The following ZC3H6 variants were observed in gnomAD, a reference collection of about 807,000 sequenced individuals.
The protein encoded by ZC3H6 is zinc finger CCCH domain-containing protein 6.
A neutral mutation model predicts 107.7 loss-of-function variants in ZC3H6; 40 were observed. The ratio of observed to expected loss-of-function variants is 0.37; its 90% CI spans 0.29 to 0.48. The LOEUF is 0.48. ZC3H6 is among the 20% of genes least tolerant of loss of function. The pLI is 0.98. For synonymous variants in ZC3H6, 493 were observed against 487.9 expected (o/e 1.01, Z -0.14); for missense variants, 1,267 against 1,410.4 (o/e 0.90, Z 1.63).
chr2:112,308,711 C>T (rs1487083490), intron 3 of ZC3H6, among the ~76,000 whole-genome samples: 1 of 148,270 alleles, frequency 6.7e-6, no homozygotes, highest in Non-Finnish European at 1.5e-5. Flanking sequence ...GGATTACAGG[C>T]GTGAACCGCT....
At chr2:112,329,619 T>C (rs1350181438) in intron 11 of ZC3H6, among the ~76,000 whole-genome samples, 1 of 152,242 alleles carries the variant, frequency 6.6e-6, no homozygotes, top group Non-Finnish European at 1.5e-5. Context: ...AGCACTGCTT[T>C]GTTCAAACTA....
At chr2:112,293,490 CTG>C (rs915731649) in intron 1 of ZC3H6, among the ~76,000 whole-genome samples, 9 of 152,202 alleles carry the variant, frequency 5.9e-5, no homozygotes, top group African/African-American at 2.2e-4. Flanking sequence ...TCAAGAGGAA[CTG>C]TTTATGAAAC....
At chr2:112,281,090 G>C (rs367928391) in intron 1 of ZC3H6, among the ~76,000 whole-genome samples, 1 of 152,274 alleles carries the variant, frequency 6.6e-6, no homozygotes, top group South Asian at 2.1e-4. Flanking sequence ...ATATTTTCTT[G>C]GGAGAGACAG....
At chr2:112,311,728 G>A (rs148335349) in intron 4 of ZC3H6, 76 bp from the exon 5 acceptor site, 3 of 1,325,422 alleles carry the variant, frequency 2.3e-6, no homozygotes, top group Non-Finnish European at 3.1e-6. Flanking sequence ...ATTAAAATGT[G>A]CTGTTCCTTA....
At chr2:112,285,360 T>A (rs543126415) in intron 1 of ZC3H6, among the ~76,000 whole-genome samples, 1 of 141,612 alleles carries the variant, frequency 7.1e-6, no homozygotes, top group African/African-American at 2.6e-5. Flanking sequence ...ACTGAGTAAA[T>A]TTTTTTTTTT....
chr2:112,317,739 A>G (rs565486759), intron 7 of ZC3H6, among the ~76,000 whole-genome samples: 9 of 152,298 alleles, frequency 5.9e-5, no homozygotes, highest in South Asian at 4.1e-4. Flanking sequence ...GATGCTGTAT[A>G]TTCTTCCCCA....
In ZC3H6 at chr2:112,279,464, A is replaced by G. The variant is rs916344979; in HGVS notation, c.32+3438A>G. 3.3e-5 allele frequency among the ~76,000 whole-genome samples: 5 copies of G among 152,226 alleles called. No individual in the cohort carries two copies. The East Asian group carries it at 5.8e-4, about 18-fold the overall frequency. The stretch of plus-strand genomic sequence containing the variant: ...ATAATTTTTTAGCATGAACCTTTTA[A>G]GAGCTTGTGAGTCTCAAAGAGTCTT... On this transcript the variant is annotated intron_variant, in intron 1 of 11. Transcript: ENST00000409871.
Position 112,332,225 on chromosome 2 carries a change from G to A in ZC3H6, c.3307G>A (p.Val1103Met), listed in dbSNP as rs757399116. The A allele has an allele frequency of 1.5e-5, 25 of 1,613,868 alleles. No individual in the cohort carries two copies. The highest frequency in any genetic ancestry group is 3.3e-4 in the Middle Eastern group (2 of 6,082). ...AILPQKPSPN[V>M]GVTLEGPADP... is the part of the protein sequence containing the mutation. ...CCTTCCACAAAAACCCAGTCCAAACGTGGGAGTCACTCTTGAGGGGCCAGC... is the reference window on the plus strand; with the variant it reads ...CCTTCCACAAAAACCCAGTCCAAACATGGGAGTCACTCTTGAGGGGCCAGC... The change falls in exon 12 of 12, where the codon GTG becomes ATG. Residue 1103 changes from valine to methionine, a missense_variant. This residue lies in a region of ZC3H6 where 925 missense variants were observed against 1,025.7 expected (regional missense o/e 0.90). Coordinates refer to ENST00000409871, the MANE Select transcript of ZC3H6 (RefSeq NM_198581.3).
intron 5 of ZC3H6, among the ~76,000 whole-genome samples, chr2:112,312,959 T>G (rs539609456): frequency 2.6e-5 from 4 of 152,286 alleles, no homozygotes; most frequent in African/African-American, 7.2e-5. Flanking sequence ...TCTCTCAGTT[T>G]AAAGATAGTG....
chr2:112,333,876 A>G lies in ZC3H6; in HGVS notation c.*1388A>G, dbSNP rs1313097693. On this transcript the variant is annotated 3_prime_UTR_variant, in exon 12 of 12. Coordinates refer to ENST00000409871, the MANE Select transcript of ZC3H6 (RefSeq NM_198581.3). ...CTTGAGAAGGGATTTTTTTTTAAAT[A>G]TACAGTAAAATATTTCGTGGGAACC... 1.3e-5 allele frequency: 2 copies of G among 152,108 alleles called. No homozygotes were observed. The highest frequency in any genetic ancestry group is 2.9e-5 in the Non-Finnish European group (2 of 67,966). 9.4% of individuals were successfully genotyped at this position (152,108 alleles called of 1,614,324 possible).
intron 4 of ZC3H6, 118 bp from the exon 5 acceptor site, chr2:112,311,686 G>GA (rs930597948): frequency 6.2e-5 from 52 of 839,320 alleles, no homozygotes; most frequent in Admixed American, 1.4e-4. Flanking sequence ...AATCTAGAAG[G>GA]AAAAAAAAGA....
At chr2:112,300,076 TATAAA>T (rs1202130774) in intron 2 of ZC3H6, 47 bp downstream of exon 2, 1 of 1,192,910 alleles carries the variant, frequency 8.4e-7, no homozygotes, top group South Asian at 2.8e-5. Flanking sequence ...GTTTATGAAA[TATAAA>T]ATACTGAAAA....
chr2:112,291,729 C>G (rs1676123669), intron 1 of ZC3H6, among the ~76,000 whole-genome samples: 2 of 151,364 alleles, frequency 1.3e-5, no homozygotes, highest in Non-Finnish European at 3.0e-5. Context: ...CACTAAGTTC[C>G]TTTTTTTGAG....
At chr2:112,277,029 G>C (rs1686439658) in intron 1 of ZC3H6, among the ~76,000 whole-genome samples, 1 of 152,046 alleles carries the variant, frequency 6.6e-6, no homozygotes, top group African/African-American at 2.4e-5. Context: ...AATGTGATCG[G>C]CTTGGTAAAG....
chr2:112,328,553 A>G (rs541184208), intron 11 of ZC3H6, among the ~76,000 whole-genome samples: 2 of 152,324 alleles, frequency 1.3e-5, no homozygotes, highest in African/African-American at 4.8e-5. Flanking sequence ...TTCAAAGAAG[A>G]TATTATTAAT....
intron 1 of ZC3H6, among the ~76,000 whole-genome samples, chr2:112,290,276 A>G (rs1223980470): frequency 6.6e-6 from 1 of 152,214 alleles, no homozygotes; most frequent in Non-Finnish European, 1.5e-5. Flanking sequence ...CTCAGTTCCT[A>G]TAGTGTGTCA....
At chr2:112,288,827 G>C (rs1228844737) in intron 1 of ZC3H6, among the ~76,000 whole-genome samples, 1 of 72,242 alleles carries the variant, frequency 1.4e-5, no homozygotes, top group Non-Finnish European at 3.1e-5. Context: ...TTTTGTTTTG[G>C]TTTGCATCCT....
At chr2:112,329,921 A>G (rs1214357144) in intron 11 of ZC3H6, among the ~76,000 whole-genome samples, 1 of 152,202 alleles carries the variant, frequency 6.6e-6, no homozygotes, top group Admixed American at 6.5e-5. Flanking sequence ...TCCTTCTGCT[A>G]GAGAAAAGAC....
chr2:112,330,471 TTCCATTGC>T (rs1677005416), intron 11 of ZC3H6, among the ~76,000 whole-genome samples: 1 of 152,256 alleles, frequency 6.6e-6, no homozygotes, highest in Non-Finnish European at 1.5e-5. Context: ...TTTGCTCAGT[TTCCATTGC>T]TACCTTAACC....
Sources: gnomAD v4.1 joint callset for allele counts (sites outside exome capture counted in the v4.1 genomes callset) on GRCh38, gnomAD v4.1.1 for gene constraint, gnomAD v4.1.1 regional missense constraint, MANE v1.5 for transcripts, NCBI Gene and HGNC (gene_info 2026-07-23, HGNC 2026-07-21) for gene names.